SLC12A8: variants seen among roughly 807,000 people sequenced by gnomAD.
SLC12A8 encodes solute carrier family 12 member 8.
A neutral mutation model predicts 75.6 loss-of-function variants in SLC12A8; 69 were observed. The ratio of observed to expected loss-of-function variants is 0.91; its 90% CI spans 0.75 to 1.11. The LOEUF is 1.11. Ranked by LOEUF, SLC12A8 falls within the 50% of genes most tolerant of loss-of-function variation. The pLI, the probability that SLC12A8 is intolerant of heterozygous loss-of-function variation, is 0.00. For synonymous variants in SLC12A8, 365 were observed against 372.8 expected (o/e 0.98, Z 0.24); for missense variants, 877 against 896.7 (o/e 0.98, Z 0.28).
intron 5 of SLC12A8, among the ~76,000 whole-genome samples, chr3:125,145,298 C>A (rs998260867): frequency 6.6e-6 from 1 of 152,208 alleles, no homozygotes; most frequent in Admixed American, 6.5e-5. Context: ...TGGGGGCAGG[C>A]ACCACGCTCT....
In SLC12A8 at chr3:125,110,288, G is replaced by A. The variant is rs1232113548; in HGVS notation, c.960C>T (p.Ser320=). The A allele has an allele frequency of 1.2e-6, 2 of 1,614,004 alleles. No individual in the cohort carries two copies. Among genetic ancestry groups the A allele is most frequent in the South Asian group, 2.2e-5 (2 of 91,068 alleles). ...AAAGTCCTCCCATGCAGGAAGCCAGGGACGAGATGTATAAGCCCAAAAGGA... is the reference window on the plus strand; with the variant it reads ...AAAGTCCTCCCATGCAGGAAGCCAGAGACGAGATGTATAAGCCCAAAAGGA... The part of the protein sequence containing the change: ...FLFLLGLYIS[S]LASCMGGLYG... The change falls in exon 9 of 14, where the codon TCC becomes TCT. Residue 320 remains serine (S), a synonymous_variant. Transcript: ENST00000469902.
At chr3:125,135,613 G>T in intron 6 of SLC12A8, 56 bp downstream of exon 6, 1 of 1,172,088 alleles carries the variant, frequency 8.5e-7, no homozygotes, top group South Asian at 1.7e-5. Context: ...CTGAATTTTG[G>T]AACCAAGAAT....
intron 8 of SLC12A8, among the ~76,000 whole-genome samples, chr3:125,116,325 G>C (rs1579481349): frequency 6.6e-6 from 1 of 152,164 alleles, no homozygotes; most frequent in East Asian, 1.9e-4. Flanking sequence ...TCTCTTCCAG[G>C]GAATGGTCTC....
intron 10 of SLC12A8, among the ~76,000 whole-genome samples, chr3:125,105,985 G>A (rs968292473): frequency 7.2e-5 from 11 of 152,100 alleles, no homozygotes; most frequent in Non-Finnish European, 1.5e-5. Flanking sequence ...AGCTGAGATC[G>A]CACCAAATCC....
intron 5 of SLC12A8, among the ~76,000 whole-genome samples, chr3:125,141,857 G>A (rs1220208929): frequency 6.6e-6 from 1 of 152,004 alleles, no homozygotes; most frequent in African/African-American, 2.4e-5. Context: ...GAAGGGCTCC[G>A]GACGGAGCTA....
chr3:125,186,716 C>T (rs561860277), intron 4 of SLC12A8, among the ~76,000 whole-genome samples: 30 of 152,378 alleles, frequency 2.0e-4, no homozygotes, highest in African/African-American at 7.0e-4. Context: ...TCCTCATTAA[C>T]ATTCTCCCTC....
chr3:125,187,862 G>A (rs977751589), intron 3 of SLC12A8, among the ~76,000 whole-genome samples: 1 of 151,620 alleles, frequency 6.6e-6, no homozygotes, highest in African/African-American at 2.4e-5. Flanking sequence ...CAACGTTTAG[G>A]ATTTCTCACC....
In SLC12A8 at chr3:125,187,330, G is replaced by A. The variant is rs1042167051; in HGVS notation, c.297C>T (p.Ser99=). ...VLSGIGVGER[S]SIGSGGVYSM... is the part of the protein sequence containing the mutation. ...AGTAGACGCCACCGCTGCCGATGCT[G>A]CTGCGCTCCCCGACGCCAATGCCAG... Residue 99 remains serine (S), a synonymous_variant, in exon 4 of 14, where the codon AGC becomes AGT. Coordinates refer to ENST00000469902, the MANE Select transcript of SLC12A8 (RefSeq NM_024628.6). 1 of 1,614,236 alleles carries A rather than the reference G, an allele frequency of 6.2e-7. No individual in the cohort carries two copies. The highest frequency in any genetic ancestry group is 8.5e-7 in the Non-Finnish European group (1 of 1,180,046).
chr3:125,087,605 G>GC (rs1938491917), intron 13 of SLC12A8, among the ~76,000 whole-genome samples: 1 of 152,140 alleles, frequency 6.6e-6, no homozygotes, highest in African/African-American at 2.4e-5. Flanking sequence ...GATTTTCCTA[G>GC]CCTGCAGCTC....
chr3:125,136,797 C>T (rs548054032), intron 5 of SLC12A8, among the ~76,000 whole-genome samples: 3 of 152,290 alleles, frequency 2.0e-5, no homozygotes, highest in Non-Finnish European at 2.9e-5. Context: ...CCTGCAGGCA[C>T]GTTGCTTCTT....
chr3:125,101,614 G>C (rs111800468), intron 10 of SLC12A8, among the ~76,000 whole-genome samples: 2 of 152,134 alleles, frequency 1.3e-5, no homozygotes, highest in Admixed American at 6.5e-5. Flanking sequence ...TCTTGTCTTT[G>C]ATGATGTCTA....
intron 1 of SLC12A8, 23 bp from the exon 2 acceptor site, chr3:125,211,417 G>T: frequency 1.5e-6 from 2 of 1,347,114 alleles, no homozygotes; most frequent in Non-Finnish European, 2.1e-6. Flanking sequence ...AGCATCCTTG[G>T]TCAGGCTGGC....
intron 5 of SLC12A8, among the ~76,000 whole-genome samples, chr3:125,149,195 G>C (rs1000716): frequency 6.6e-6 from 1 of 152,080 alleles, no homozygotes; most frequent in Non-Finnish European, 1.5e-5. Flanking sequence ...GAGCAGACTC[G>C]GGGGTCGAAG....
chr3:125,143,136 G>A (rs914156492), intron 5 of SLC12A8, among the ~76,000 whole-genome samples: 1 of 152,186 alleles, frequency 6.6e-6, no homozygotes, highest in Non-Finnish European at 1.5e-5. Flanking sequence ...CAAAAGACAC[G>A]CAGAGTCAAA....
intron 5 of SLC12A8, among the ~76,000 whole-genome samples, chr3:125,144,576 G>A (rs1200954058): frequency 2.0e-5 from 3 of 152,142 alleles, no homozygotes; most frequent in African/African-American, 7.2e-5. Context: ...CCAGGATAAC[G>A]GGCTGTTTTA....
intron 5 of SLC12A8, among the ~76,000 whole-genome samples, chr3:125,157,811 T>G (rs1183081251): frequency 6.6e-6 from 1 of 152,202 alleles, no homozygotes; most frequent in Non-Finnish European, 1.5e-5. Flanking sequence ...ACCTGCAACT[T>G]GCATATTTTC....
At chr3:125,107,401 G>A (rs1281752780) in intron 10 of SLC12A8, 80 bp downstream of exon 10, 8 of 1,296,748 alleles carry the variant, frequency 6.2e-6, no homozygotes, top group African/African-American at 1.5e-5. Flanking sequence ...AGTTATAACT[G>A]GTTCACAATA....
intron 6 of SLC12A8, among the ~76,000 whole-genome samples, chr3:125,135,441 G>A (rs955053631): frequency 6.6e-6 from 1 of 152,162 alleles, no homozygotes; most frequent in Non-Finnish European, 1.5e-5. Context: ...AGATTTTTAT[G>A]TTTGAGGCCA....
intron 6 of SLC12A8, chr3:125,120,940 T>C (rs1933041818): frequency 4.4e-6 from 3 of 686,126 alleles, no homozygotes; most frequent in Non-Finnish European, 5.2e-6. Context: ...AAAAGCATCC[T>C]ACCGCTCAGC....
Sources: allele counts gnomAD v4.1 joint callset (sites outside exome capture counted in the v4.1 genomes callset), GRCh38; gene constraint gnomAD v4.1.1; transcripts MANE v1.5; gene names NCBI Gene and HGNC (gene_info 2026-07-23, HGNC 2026-07-21).